PCCA: variants seen among roughly 807,000 people sequenced by gnomAD.
The protein encoded by PCCA is propionyl-CoA carboxylase alpha chain, mitochondrial.
In PCCA, 74 loss-of-function variants were observed where a neutral mutation model predicts 101.3. The ratio of observed to expected loss-of-function variants is 0.73; its 90% CI spans 0.61 to 0.89. The LOEUF is 0.89. Ranked by LOEUF, PCCA falls within the 40% of genes least tolerant of loss-of-function variation. PCCA has a pLI of 0.00. For synonymous variants in PCCA, 294 were observed against 313.6 expected, an observed-to-expected ratio of 0.94 and a Z score of 0.66; for missense variants, 891 against 907.0, an observed-to-expected ratio of 0.98 and a Z score of 0.23.
chr13:100,359,174 A>G (rs1478040459), intron 18 of PCCA, among the ~76,000 whole-genome samples: 1 of 151,968 alleles, frequency 6.6e-6, no homozygotes, highest in Non-Finnish European at 1.5e-5. Context: ...ACTTGTGGGC[A>G]CTATAAGTTA....
At chr13:100,148,050 G>A (rs571328633) in intron 4 of PCCA, among the ~76,000 whole-genome samples, 2 of 152,012 alleles carry the variant, frequency 1.3e-5, no homozygotes, top group East Asian at 3.9e-4. Flanking sequence ...CCTAAGCCGT[G>A]GGGACTACAG....
At chr13:100,505,815 C>T (rs925595219) in intron 21 of PCCA, among the ~76,000 whole-genome samples, 1 of 151,610 alleles carries the variant, frequency 6.6e-6, no homozygotes, top group Non-Finnish European at 1.5e-5. Flanking sequence ...TGCAGTGAGC[C>T]ATGCCTGGGT....
chr13:100,148,661 C>G (rs576305623), intron 4 of PCCA, among the ~76,000 whole-genome samples: 10 of 152,034 alleles, frequency 6.6e-5, no homozygotes, highest in Admixed American at 1.3e-4. Context: ...GTCAGGAATG[C>G]ATGCTTGCAA....
At chr13:100,239,928 A>C (rs1452741042) in intron 8 of PCCA, among the ~76,000 whole-genome samples, 2 of 152,144 alleles carry the variant, frequency 1.3e-5, no homozygotes, top group Non-Finnish European at 2.9e-5. Context: ...CAGTCAGGCC[A>C]AAACTGAGTC....
rs192886230 is a variant in PCCA at position 100,241,380 on chromosome 13, A to G, written c.637+5502A>G. 2.0e-5 allele frequency among the ~76,000 whole-genome samples: 3 copies of G among 152,324 alleles called. No homozygotes were observed. The East Asian group carries it at 5.8e-4, about 29-fold the overall frequency. On this transcript the variant is annotated intron_variant, in intron 8 of 23. Transcript: ENST00000376285. ...CTTTTGTGTCTGGTTTCTTTCACACAGAATAGTGTTTTTAAGGTTCATCCA... is the reference window on the plus strand; with the variant it reads ...CTTTTGTGTCTGGTTTCTTTCACACGGAATAGTGTTTTTAAGGTTCATCCA...
intron 19 of PCCA, among the ~76,000 whole-genome samples, chr13:100,405,038 T>C (rs966046137): frequency 2.0e-5 from 3 of 152,146 alleles, no homozygotes; most frequent in African/African-American, 7.2e-5. Flanking sequence ...CTCCTTACCA[T>C]AAGTGGAATA....
intron 6 of PCCA, among the ~76,000 whole-genome samples, chr13:100,173,917 C>A: frequency 6.6e-6 from 1 of 152,168 alleles, no homozygotes; most frequent in East Asian, 1.9e-4. Flanking sequence ...TAAGACATGC[C>A]TTTACTCCGC....
At chr13:100,150,793 A>G (rs915523447) in intron 4 of PCCA, 3 of 1,586,616 alleles carry the variant, frequency 1.9e-6, no homozygotes, top group Non-Finnish European at 2.6e-6. Context: ...GCTCCTCTGC[A>G]ACGGACTGAA....
In PCCA at chr13:100,200,610, A is replaced by G. The variant is rs951193877; in HGVS notation, c.469-8722A>G. Among the ~76,000 whole-genome samples the G allele has an allele frequency of 1.6e-4, 24 of 150,642 alleles. 1 individual carries two copies. In the South Asian group the frequency reaches 5.0e-3, roughly 31 times the overall value. Reference sequence around the variant, plus strand: ...TTTATGTTATATATGTATATTGCTTATAATACAATATGTTATCTTAACTAT... The same window carrying G: ...TTTATGTTATATATGTATATTGCTTGTAATACAATATGTTATCTTAACTAT... On this transcript the variant is annotated intron_variant, in intron 6 of 23. Coordinates refer to ENST00000376285, the MANE Select transcript of PCCA (RefSeq NM_000282.4).
At chr13:100,321,741 G>A (rs569216047) in intron 16 of PCCA, among the ~76,000 whole-genome samples, 9 of 151,942 alleles carry the variant, frequency 5.9e-5, no homozygotes, top group East Asian at 1.9e-4. Flanking sequence ...TAAAGGAATA[G>A]CATTAATTTG....
At chr13:100,467,432 C>T (rs977244826) in intron 21 of PCCA, among the ~76,000 whole-genome samples, 1 of 152,154 alleles carries the variant, frequency 6.6e-6, no homozygotes, top group African/African-American at 2.4e-5. Context: ...AGTGCAGTGG[C>T]ACAGTCTCCC....
intron 6 of PCCA, among the ~76,000 whole-genome samples, chr13:100,187,023 A>G (rs1346641256): frequency 2.0e-5 from 3 of 152,220 alleles, no homozygotes; most frequent in Non-Finnish European, 4.4e-5. Context: ...GTGTTAGATT[A>G]GATTTGTAAA....
intron 16 of PCCA, among the ~76,000 whole-genome samples, chr13:100,328,371 T>TATGATA (rs1347723645): frequency 2.8e-5 from 4 of 141,874 alleles, no homozygotes; most frequent in Middle Eastern, 3.6e-3. Flanking sequence ...TCAAAAAATA[T>TATGATA]ATAATAATAA....
chr13:100,119,733 T>G (rs1250153741), intron 4 of PCCA, among the ~76,000 whole-genome samples: 2 of 152,302 alleles, frequency 1.3e-5, no homozygotes, highest in East Asian at 3.9e-4. Flanking sequence ...AAGGGTTTCC[T>G]TCAAACCTCC....
chr13:100,492,085 A>G (rs1291212678), intron 21 of PCCA, among the ~76,000 whole-genome samples: 2 of 152,056 alleles, frequency 1.3e-5, no homozygotes, highest in Admixed American at 6.5e-5. Context: ...AAGAAGCCGC[A>G]GTCCCTGCCC....
intron 15 of PCCA, 27 bp from the exon 16 acceptor site, chr13:100,309,806 T>C (rs774257967): frequency 1.4e-6 from 2 of 1,429,388 alleles, no homozygotes; most frequent in African/African-American, 1.4e-5. Flanking sequence ...TATATATATA[T>C]TGGGTTTTTT....
intron 20 of PCCA, among the ~76,000 whole-genome samples, chr13:100,438,441 C>G (rs528426121): frequency 6.6e-6 from 1 of 152,126 alleles, no homozygotes; most frequent in Admixed American, 6.5e-5. Flanking sequence ...CCACCACTCC[C>G]AGCAAAGCCA....
intron 21 of PCCA, among the ~76,000 whole-genome samples, chr13:100,455,475 A>G (rs956782628): frequency 6.6e-6 from 1 of 152,192 alleles, no homozygotes; most frequent in Non-Finnish European, 1.5e-5. Flanking sequence ...ATATTCTGGA[A>G]TCATCTGTGA....
At chr13:100,130,316 G>T (rs1382370859) in intron 4 of PCCA, among the ~76,000 whole-genome samples, 1 of 152,200 alleles carries the variant, frequency 6.6e-6, no homozygotes, top group East Asian at 1.9e-4. Context: ...AGTAGCAAAG[G>T]GAAAAGTTTA....
Sources: allele counts gnomAD v4.1 joint callset (sites outside exome capture counted in the v4.1 genomes callset), GRCh38; gene constraint gnomAD v4.1.1; transcripts MANE v1.5; gene names NCBI Gene and HGNC (gene_info 2026-07-23, HGNC 2026-07-21).